Variants in PLCB1 observed in about 807,000 individuals in gnomAD.
PLCB1 encodes 1-phosphatidylinositol 4,5-bisphosphate phosphodiesterase beta-1.
In PLCB1, 46 loss-of-function variants were observed where a neutral mutation model predicts 161.8. The ratio of observed to expected loss-of-function variants is 0.28; its 90% CI spans 0.22 to 0.36. The LOEUF (loss-of-function observed/expected upper bound fraction) is 0.36, where lower values mean the gene tolerates loss of function less well. Among genes scored for constraint, PLCB1 ranks in the 10% least tolerant of loss-of-function variants. The pLI, the probability that PLCB1 is intolerant of heterozygous loss-of-function variation, is 1.00. For synonymous variants in PLCB1, 517 were observed against 503.7 expected (o/e 1.03, Z -0.35); for missense variants, 1,016 against 1,472.5 (o/e 0.69, Z 5.07).
At chr20:8,221,733 T>C (rs1979421426) in intron 2 of PLCB1, among the ~76,000 whole-genome samples, 1 of 152,146 alleles carries the variant, frequency 6.6e-6, no homozygotes, top group Non-Finnish European at 1.5e-5. Context: ...AAATATGTAT[T>C]ATATAAGAAA....
intron 31 of PLCB1, among the ~76,000 whole-genome samples, chr20:8,853,307 A>G (rs1250793719): frequency 2.0e-5 from 3 of 152,206 alleles, no homozygotes; most frequent in East Asian, 1.9e-4. Flanking sequence ...AATTTATGAA[A>G]TTACCACTTG....
chr20:8,781,441 CACACACAA>C (rs1440039033), intron 27 of PLCB1, among the ~76,000 whole-genome samples: 64 of 107,886 alleles, frequency 5.9e-4, no homozygotes, highest in African/African-American at 2.0e-3. Context: ...CACACACACA[CACACACAA>C]AGATCCAAAT....
chr20:8,579,095 C>T (rs1008920733), intron 3 of PLCB1, among the ~76,000 whole-genome samples: 4 of 152,208 alleles, frequency 2.6e-5, no homozygotes, highest in Non-Finnish European at 5.9e-5. Flanking sequence ...GGCCCCAATT[C>T]TTCATCATTA....
chr20:8,306,985 G>T (rs984692072), intron 2 of PLCB1, among the ~76,000 whole-genome samples: 2 of 152,188 alleles, frequency 1.3e-5, no homozygotes, highest in African/African-American at 4.8e-5. Context: ...ACTTATCTCT[G>T]ATTTAAATCA....
chr20:8,681,116 AT>A (rs1247549245), intron 9 of PLCB1, among the ~76,000 whole-genome samples: 1,429 of 113,280 alleles, frequency 0.013, 57 homozygotes, highest in African/African-American at 0.046. Flanking sequence ...ATATATATAT[AT>A]ATAATATATA....
chr20:8,803,111 G>A (rs1984361594), intron 31 of PLCB1, among the ~76,000 whole-genome samples: 1 of 152,158 alleles, frequency 6.6e-6, no homozygotes, highest in South Asian at 2.1e-4. Context: ...AAAGAGGTAT[G>A]AGTTATTCCT....
At chr20:8,268,401 A>G (rs1245201647) in intron 2 of PLCB1, among the ~76,000 whole-genome samples, 7 of 152,100 alleles carry the variant, frequency 4.6e-5, no homozygotes, top group African/African-American at 2.4e-5. Flanking sequence ...AGTCTTTGCT[A>G]TTGTGAATAG....
chr20:8,642,430 A>G (rs1225029137), intron 4 of PLCB1, among the ~76,000 whole-genome samples: 1 of 152,192 alleles, frequency 6.6e-6, no homozygotes, highest in East Asian at 1.9e-4. Flanking sequence ...GATGCATGCC[A>G]GTAGTGACAG....
chr20:8,309,664 C>T lies in PLCB1; in HGVS notation c.178-61718C>T, dbSNP rs552144351. On this transcript the variant is annotated intron_variant, in intron 2 of 31. Transcript: ENST00000338037. ...GCAGCTATAGGGTGAGAAGCAATCG[C>T]GTCCATAATTCCGTTGACAGCAGTT... 2.6e-4 allele frequency among the ~76,000 whole-genome samples: 40 copies of T among 152,306 alleles called. No individual in the cohort carries two copies. In the South Asian group the frequency reaches 5.8e-3, roughly 22 times the overall value.
rs909209723 is a variant in PLCB1 at position 8,467,150 on chromosome 20, A to T, written c.246+95700A>T. Reference sequence around the variant, plus strand: ...GAGATGGGGTTTCACTATGTTGGCCAGGCTGGTCTCAAACTCCTGGCCTCA... The same window carrying T: ...GAGATGGGGTTTCACTATGTTGGCCTGGCTGGTCTCAAACTCCTGGCCTCA... On this transcript the variant is annotated intron_variant, in intron 3 of 31. Transcript: ENST00000338037. Among the ~76,000 whole-genome samples, 29 of 152,156 alleles carry T rather than the reference A, an allele frequency of 1.9e-4. 1 individual carries two copies. The highest frequency in any genetic ancestry group is 1.9e-3 in the Admixed American group (29 of 15,264).
intron 2 of PLCB1, among the ~76,000 whole-genome samples, chr20:8,203,941 C>T (rs1169650083): frequency 6.6e-6 from 1 of 152,180 alleles, no homozygotes; most frequent in Admixed American, 6.5e-5. Flanking sequence ...TCATTGCCTT[C>T]CATCCCTTCT....
chr20:8,533,565 G>GTTTTT (rs1189864660), intron 3 of PLCB1, among the ~76,000 whole-genome samples: 1 of 151,870 alleles, frequency 6.6e-6, no homozygotes, highest in Non-Finnish European at 1.5e-5. Context: ...TCTAACTGGT[G>GTTTTT]TGAGATGGTA....
intron 3 of PLCB1, among the ~76,000 whole-genome samples, chr20:8,438,093 TCTATC>T (rs1980390279): frequency 6.6e-6 from 1 of 152,212 alleles, no homozygotes; most frequent in South Asian, 2.1e-4. Context: ...TTTTGTGTGT[TCTATC>T]TTATATATTT....
At chr20:8,213,151 G>T (rs1978924469) in intron 2 of PLCB1, among the ~76,000 whole-genome samples, 1 of 152,150 alleles carries the variant, frequency 6.6e-6, no homozygotes. Context: ...TGGGGGCCTG[G>T]TGTTACCCTG....
chr20:8,502,019 C>G (rs1029925217), intron 3 of PLCB1, among the ~76,000 whole-genome samples: 1 of 149,340 alleles, frequency 6.7e-6, no homozygotes, highest in Admixed American at 6.7e-5. Context: ...ATATTGAAAC[C>G]AATAAAGACA....
Position 8,866,825 on chromosome 20 carries a change from A to T in PLCB1, c.3424-14797A>T, listed in dbSNP as rs190853646. On this transcript the variant is annotated intron_variant, in intron 31 of 31. Coordinates refer to ENST00000338037, the MANE Select transcript of PLCB1 (RefSeq NM_015192.4). ...CAAAATGCCTGTGAGGCCAAGAAAC[A>T]AATGTCTAGTTTCCTTTCAGATAAA... is the stretch of plus-strand genomic sequence containing the variant. 6.1e-3 allele frequency among the ~76,000 whole-genome samples: 934 copies of T among 152,266 alleles called. 28 individuals carry two copies. Among genetic ancestry groups the T allele is most frequent in the Admixed American group, 0.055 (846 of 15,284 alleles).
At chr20:8,226,575 C>G (rs1271499160) in intron 2 of PLCB1, among the ~76,000 whole-genome samples, 1 of 152,140 alleles carries the variant, frequency 6.6e-6, no homozygotes, top group Non-Finnish European at 1.5e-5. Context: ...CTTCCTTCTC[C>G]ATGGCTTGTT....
At chr20:8,311,623 G>A (rs188211670) in intron 2 of PLCB1, among the ~76,000 whole-genome samples, 43 of 152,318 alleles carry the variant, frequency 2.8e-4, no homozygotes, top group Admixed American at 9.2e-4. Flanking sequence ...CGTATCATTT[G>A]TCAGACATTG....
chr20:8,342,301 A>T (rs977450163), intron 2 of PLCB1, among the ~76,000 whole-genome samples: 3 of 152,238 alleles, frequency 2.0e-5, no homozygotes, highest in Non-Finnish European at 4.4e-5. Flanking sequence ...TGAAGTTTGT[A>T]AACAAAATAT....
Sources: allele counts gnomAD v4.1 joint callset (sites outside exome capture counted in the v4.1 genomes callset), GRCh38; gene constraint gnomAD v4.1.1; transcripts MANE v1.5; gene names NCBI Gene and HGNC (gene_info 2026-07-23, HGNC 2026-07-21).